Variants in SPAG6 observed in about 807,000 individuals in gnomAD.
SPAG6 encodes the protein sperm associated antigen 6.
In SPAG6, 49 loss-of-function variants were observed where a neutral mutation model predicts 58.5. The ratio of observed to expected loss-of-function variants is 0.84; its 90% CI spans 0.67 to 1.06. The LOEUF is 1.06. SPAG6 is among the 50% of genes least tolerant of loss of function. The pLI is 0.00. For missense variants in SPAG6, 560 were observed against 611.3 expected (o/e 0.92, Z 0.89); for synonymous variants, 233 against 225.6 (o/e 1.03, Z -0.29).
chr10:22,395,186 A>G (rs963479748), intron 8 of SPAG6, among the ~76,000 whole-genome samples: 1 of 152,214 alleles, frequency 6.6e-6, no homozygotes, highest in Non-Finnish European at 1.5e-5. Flanking sequence ...CTTGACTATT[A>G]TGAATAATGC....
Position 22,364,897 on chromosome 10 carries a change from A to G in SPAG6, c.166A>G (p.Thr56Ala), listed in dbSNP as rs1837149839. The stretch of plus-strand genomic sequence containing the variant: ...AACTCTTCTTCTGGACGTGGTCCCA[A>G]CAATTCAACAGACTGCTGCTTTGGC... ...LRTLLLDVVP[T>A]IQQTAALALG... Residue 56 changes from threonine to alanine, a missense_variant, in exon 3 of 11, where the codon ACA becomes GCA. Transcript: ENST00000376624. 6.2e-7 allele frequency: 1 copy of G among 1,613,522 alleles called. No homozygotes were observed. Among genetic ancestry groups the G allele is most frequent in the East Asian group, 2.2e-5 (1 of 44,878 alleles).
intron 10 of SPAG6, among the ~76,000 whole-genome samples, chr10:22,413,688 G>GATATATATATAT (rs59765652): frequency 0.019 from 2,648 of 141,550 alleles, 175 homozygotes; most frequent in African/African-American, 0.071. Flanking sequence ...TCAAATTTCT[G>GATATATATATAT]ATATATATAT....
chr10:22,401,085 G>T, intron 8 of SPAG6, 76 bp from the exon 9 acceptor site: 1 of 723,424 alleles, frequency 1.4e-6, no homozygotes, highest in East Asian at 2.6e-5. Context: ...TGAAATTCCA[G>T]GAATGTCAGA....
At chr10:22,371,543 G>A (rs974936964) in intron 4 of SPAG6, among the ~76,000 whole-genome samples, 7 of 152,078 alleles carry the variant, frequency 4.6e-5, no homozygotes, top group Admixed American at 1.3e-4. Flanking sequence ...GAGCTACTGC[G>A]TCCGGCTTTT....
At position 22,410,231 on chromosome 10, in the gene SPAG6, C is replaced by T. The variant is rs75574876; in HGVS notation, c.1315-800C>T. 9.2e-3 allele frequency among the ~76,000 whole-genome samples: 1,408 copies of T among 152,230 alleles called. 23 individuals carry two copies. The highest frequency in any genetic ancestry group is 0.031 in the African/African-American group (1,307 of 41,534). ...TTAGTATATTCATTCATTTGTTAAACATTTGTTGAACCTCTGTTAGGTACC... is the reference window on the plus strand; with the variant it reads ...TTAGTATATTCATTCATTTGTTAAATATTTGTTGAACCTCTGTTAGGTACC... On this transcript the variant is annotated intron_variant, in intron 9 of 10. Coordinates refer to ENST00000376624, the MANE Select transcript of SPAG6 (RefSeq NM_012443.4).
chr10:22,346,497 T>TTCTTCTTCTTCTTC (rs1554776508), intron 2 of SPAG6, among the ~76,000 whole-genome samples: 1 of 74,378 alleles, frequency 1.3e-5, no homozygotes, highest in African/African-American at 5.4e-5. Context: ...CTTCTTCTTC[T>TTCTTCTTCTTCTTC]TTCTTCTTCT....
intron 9 of SPAG6, among the ~76,000 whole-genome samples, chr10:22,406,666 G>C (rs1156348434): frequency 1.3e-5 from 2 of 152,192 alleles, no homozygotes; most frequent in African/African-American, 4.8e-5. Context: ...GCTTGGTGCA[G>C]TGCTGAGTTC....
Position 22,387,970 on chromosome 10 carries a change from A to G in SPAG6, c.826A>G (p.Arg276Gly). ...GAAGAAAAATGCTTCTACTTTAATT[A>G]GAGAGATTGCAAAACATACACCCGA... ...YVKKNASTLI[R>G]EIAKHTPELS... The change falls in exon 6 of 11, where the codon AGA becomes GGA. Residue 276 changes from arginine (R) to glycine (G), a missense_variant. Coordinates refer to ENST00000376624, the MANE Select transcript of SPAG6 (RefSeq NM_012443.4). The G allele has an allele frequency of 3.7e-6, 6 of 1,611,642 alleles. No individual in the cohort carries two copies. The highest frequency in any genetic ancestry group is 5.1e-6 in the Non-Finnish European group (6 of 1,179,008).
At chr10:22,363,288 A>G (rs2026631) in intron 2 of SPAG6, among the ~76,000 whole-genome samples, 5,611 of 152,294 alleles carry the variant, frequency 0.037, 371 homozygotes, top group African/African-American at 0.13. Flanking sequence ...GTTAACATTG[A>G]GTAGTCATGC....
At position 22,394,968 on chromosome 10, in the gene SPAG6, C is replaced by A. The variant is rs147102387; in HGVS notation, c.1197+3048C>A. On this transcript the variant is annotated intron_variant, in intron 8 of 10. Coordinates refer to ENST00000376624, the MANE Select transcript of SPAG6 (RefSeq NM_012443.4). ...TCAAGCAGTCCCCCACCTTGACCTC[C>A]CAAAGCACTGGGATAAGAGGTGTGA... 3.6e-3 allele frequency among the ~76,000 whole-genome samples: 549 copies of A among 152,238 alleles called. 2 individuals are homozygous for A. The highest frequency in any genetic ancestry group is 0.013 in the African/African-American group (532 of 41,552).
intron 8 of SPAG6, among the ~76,000 whole-genome samples, chr10:22,400,407 T>G (rs1190502330): frequency 2.0e-5 from 3 of 152,120 alleles, no homozygotes; most frequent in Non-Finnish European, 4.4e-5. Flanking sequence ...AGCCATGGCC[T>G]GAGGGCTGGC....
At chr10:22,370,559 A>G (rs1833660733) in intron 4 of SPAG6, among the ~76,000 whole-genome samples, 1 of 152,254 alleles carries the variant, frequency 6.6e-6, no homozygotes, top group Non-Finnish European at 1.5e-5. Flanking sequence ...AAACAGAAAC[A>G]GGAAGAGGCT....
intron 6 of SPAG6, among the ~76,000 whole-genome samples, chr10:22,388,515 A>C (rs529457804): frequency 6.6e-6 from 1 of 152,318 alleles, no homozygotes; most frequent in East Asian, 1.9e-4. Context: ...TGACCACTCC[A>C]GTAGCTGCTC....
intron 2 of SPAG6, among the ~76,000 whole-genome samples, chr10:22,356,917 T>C (rs1436702723): frequency 3.3e-5 from 5 of 152,208 alleles, no homozygotes; most frequent in Non-Finnish European, 5.9e-5. Flanking sequence ...CTGACATCAA[T>C]GTTCAGATAA....
At chr10:22,378,848 T>G (rs568644674) in intron 4 of SPAG6, among the ~76,000 whole-genome samples, 12 of 152,340 alleles carry the variant, frequency 7.9e-5, no homozygotes, top group Non-Finnish European at 1.5e-4. Flanking sequence ...CTGTGAGAGC[T>G]GCCTTCCCTC....
At chr10:22,408,699 G>C (rs1834629322) in intron 9 of SPAG6, among the ~76,000 whole-genome samples, 1 of 152,202 alleles carries the variant, frequency 6.6e-6, no homozygotes. Flanking sequence ...GTTTACCTAA[G>C]CAAGCCTGGG....
rs747289906 is a variant in SPAG6, at chr10:22,365,028, T to TA, written c.288+17dup. ...CATTGGCAGAACAGAATGTAAGAAT[T>TA]AAAAAAAACTAGTTATATGTTTTTT... On this transcript the variant is annotated intron_variant, in intron 3 of 10. Transcript: ENST00000376624. 34 of 1,562,160 alleles carry TA rather than the reference T, an allele frequency of 2.2e-5. No individual in the cohort carries two copies. Among genetic ancestry groups the TA allele is most frequent in the South Asian group, 6.0e-5 (5 of 83,844 alleles).
intron 10 of SPAG6, among the ~76,000 whole-genome samples, chr10:22,416,296 C>G (rs1834863692): frequency 6.6e-6 from 1 of 151,984 alleles, no homozygotes; most frequent in Non-Finnish European, 1.5e-5. Context: ...GCAACATTAG[C>G]CACTTGATGT....
intron 7 of SPAG6, among the ~76,000 whole-genome samples, chr10:22,390,343 G>A (rs1012984105): frequency 2.0e-5 from 3 of 152,090 alleles, no homozygotes; most frequent in Non-Finnish European, 4.4e-5. Context: ...AGCAATTGCC[G>A]TTGCTTCCCA....
Sources: gnomAD v4.1 joint callset for allele counts (sites outside exome capture counted in the v4.1 genomes callset) on GRCh38, gnomAD v4.1.1 for gene constraint, MANE v1.5 for transcripts, NCBI Gene and HGNC (gene_info 2026-07-23, HGNC 2026-07-21) for gene names.